RNF115: variants seen among roughly 807,000 people sequenced by gnomAD.
RNF115 encodes E3 ubiquitin-protein ligase RNF115.
A neutral mutation model predicts 39.2 loss-of-function variants in RNF115; 31 were observed. That is an observed-to-expected ratio of 0.79 (90% CI 0.59 to 1.07). The LOEUF (loss-of-function observed/expected upper bound fraction) is 1.07, where lower values mean the gene tolerates loss of function less well. Ranked by LOEUF, RNF115 falls within the 50% of genes least tolerant of loss-of-function variation. The probability of loss-of-function intolerance (pLI) is 0.00; values close to 1 mark genes in which losing one functional copy is unlikely to be tolerated. For synonymous variants in RNF115, 124 were observed against 131.0 expected, an observed-to-expected ratio of 0.95 and a Z score of 0.37; for missense variants, 384 against 381.7, an observed-to-expected ratio of 1.01 and a Z score of -0.05.
intron 6 of RNF115, among the ~76,000 whole-genome samples, 156 bp downstream of exon 6, chr1:145,751,282 A>C (rs1350618238): frequency 1.3e-5 from 2 of 152,238 alleles, no homozygotes; most frequent in African/African-American, 4.8e-5. Context: ...CTAACCCCAT[A>C]AATCATTCAT....
intron 1 of RNF115, among the ~76,000 whole-genome samples, chr1:145,796,651 T>C (rs1309012453): frequency 6.6e-6 from 1 of 152,102 alleles, no homozygotes; most frequent in Non-Finnish European, 1.5e-5. Context: ...CCTCCCAAAA[T>C]ACTAGGATTA....
At chr1:145,803,413 T>C (rs1649334093) in intron 1 of RNF115, among the ~76,000 whole-genome samples, 1 of 152,114 alleles carries the variant, frequency 6.6e-6, no homozygotes, top group Non-Finnish European at 1.5e-5. Flanking sequence ...ATTTTGAGAC[T>C]GAGTCTCACT....
intron 1 of RNF115, among the ~76,000 whole-genome samples, chr1:145,805,503 T>G (rs1388964628): frequency 6.6e-6 from 1 of 152,190 alleles, no homozygotes; most frequent in African/African-American, 2.4e-5. Context: ...CCAGCATTAT[T>G]GCTTTGTTTG....
chr1:145,805,449 CA>C (rs782498674), intron 1 of RNF115, among the ~76,000 whole-genome samples: 2,798 of 121,936 alleles, frequency 0.023, 64 homozygotes, highest in African/African-American at 0.071. Context: ...CCCAAGTCTT[CA>C]AAAAAAAAAA....
At chr1:145,774,043 G>A (rs1420871817) in intron 3 of RNF115, among the ~76,000 whole-genome samples, 1 of 152,096 alleles carries the variant, frequency 6.6e-6, no homozygotes, top group Non-Finnish European at 1.5e-5. Flanking sequence ...TTCTTCTGGC[G>A]AAGTATTTGC....
At chr1:145,776,793 G>A (rs1188644994) in intron 3 of RNF115, among the ~76,000 whole-genome samples, 9 of 152,068 alleles carry the variant, frequency 5.9e-5, no homozygotes, top group South Asian at 2.1e-4. Context: ...CTAAGATCGC[G>A]CCATTGCACT....
At chr1:145,755,677 T>C (rs1261361406) in intron 4 of RNF115, among the ~76,000 whole-genome samples, 1 of 151,780 alleles carries the variant, frequency 6.6e-6, no homozygotes, top group Non-Finnish European at 1.5e-5. Flanking sequence ...AACCCAGCAG[T>C]GGGGCAGAAG....
chr1:145,749,737 CT>C (rs1381071583), intron 7 of RNF115, among the ~76,000 whole-genome samples: 1 of 152,124 alleles, frequency 6.6e-6, no homozygotes, highest in Non-Finnish European at 1.5e-5. Context: ...CACACTGCCC[CT>C]AGACTAATCT....
chr1:145,755,909 C>A (rs897457672), intron 4 of RNF115, among the ~76,000 whole-genome samples: 1 of 152,174 alleles, frequency 6.6e-6, no homozygotes, highest in Admixed American at 6.5e-5. Flanking sequence ...GGTTGATAAT[C>A]TAGCTAAAGT....
intron 3 of RNF115, among the ~76,000 whole-genome samples, chr1:145,779,039 A>C (rs781990373): frequency 2.6e-4 from 39 of 152,268 alleles, no homozygotes; most frequent in Middle Eastern, 3.4e-3. Context: ...CTGGTGTTCT[A>C]TGTTTTCTCA....
intron 3 of RNF115, among the ~76,000 whole-genome samples, chr1:145,778,398 A>C (rs782133438): frequency 6.6e-6 from 1 of 152,154 alleles, no homozygotes; most frequent in African/African-American, 2.4e-5. Context: ...AAAAGTTCTA[A>C]ATCAGTGGTA....
intron 1 of RNF115, among the ~76,000 whole-genome samples, chr1:145,796,900 G>A (rs782073944): frequency 3.3e-5 from 5 of 151,978 alleles, no homozygotes; most frequent in Non-Finnish European, 7.4e-5. Flanking sequence ...CAACCTAACT[G>A]TCCCATAGAA....
chr1:145,770,152 G>C (rs1553715537), intron 4 of RNF115, among the ~76,000 whole-genome samples: 2 of 152,120 alleles, frequency 1.3e-5, no homozygotes, highest in Non-Finnish European at 2.9e-5. Flanking sequence ...CATTTTGATA[G>C]GACTGCAAAG....
chr1:145,773,507 C>T (rs1647737538), intron 3 of RNF115: 1 of 151,998 alleles, frequency 6.6e-6, no homozygotes, highest in Non-Finnish European at 1.5e-5. Context: ...AAATGCTCGC[C>T]AGGTCTCTAC....
At position 145,740,228 on chromosome 1, in the gene RNF115, A is replaced by G. The variant is rs1657649316; in HGVS notation, c.*6638T>C. ...CTCAGAAGATATATCCAACTATAGGAAAAGTTTCAGCCATTGTACTATACT... is the reference window on the plus strand; with the variant it reads ...CTCAGAAGATATATCCAACTATAGGGAAAGTTTCAGCCATTGTACTATACT... On this transcript the variant is annotated 3_prime_UTR_variant, in exon 9 of 9. Coordinates refer to ENST00000582693, the MANE Select transcript of RNF115 (RefSeq NM_014455.4). The G allele has an allele frequency of 6.6e-6, 1 of 152,250 alleles. No individual in the cohort carries two copies. Among genetic ancestry groups the G allele is most frequent in the Admixed American group, 6.5e-5 (1 of 15,280 alleles). The allele number at this position is 152,250 out of a possible 1,614,324, so 9.4% of individuals were successfully genotyped here. A position where few individuals can be genotyped will look rare whatever the true frequency, so the allele number is the denominator to read the frequency against.
chr1:145,775,164 T>G (rs1647824461), intron 3 of RNF115, among the ~76,000 whole-genome samples: 1 of 152,172 alleles, frequency 6.6e-6, no homozygotes, highest in African/African-American at 2.4e-5. Flanking sequence ...GGAGGATCAC[T>G]TGAACCCAGG....
chr1:145,784,570 A>G lies in RNF115; in HGVS notation c.188T>C (p.Ile63Thr), dbSNP rs200677426. The G allele has an allele frequency of 7.6e-5, 122 of 1,613,922 alleles. 1 individual carries two copies. Among genetic ancestry groups the G allele is most frequent in the Middle Eastern group, 3.3e-4 (2 of 6,084 alleles). The change falls in exon 3 of 9, where the codon ATA becomes ACA. Residue 63 changes from isoleucine (I) to threonine (T), a missense_variant. Coordinates refer to ENST00000582693, the MANE Select transcript of RNF115 (RefSeq NM_014455.4). ...AAAATGTGTTGTTGTGGTATTGTCT[A>G]TCCGACTGCCGCCACCACCTAAAAA... ...SSFLGGGGSR[I>T]DNTTTTHFAE...
chr1:145,764,930 G>C (rs1456224067), intron 4 of RNF115, among the ~76,000 whole-genome samples: 2 of 152,240 alleles, frequency 1.3e-5, no homozygotes, highest in African/African-American at 4.8e-5. Flanking sequence ...GTACCCAACA[G>C]CTCATTGAGA....
intron 1 of RNF115, among the ~76,000 whole-genome samples, chr1:145,810,791 T>C (rs587599381): frequency 2.2e-4 from 31 of 143,712 alleles, no homozygotes; most frequent in Non-Finnish European, 3.9e-4. Flanking sequence ...TTTTAAAATC[T>C]GTATAATTAC....
Sources: gnomAD v4.1 joint callset for allele counts (sites outside exome capture counted in the v4.1 genomes callset) on GRCh38, gnomAD v4.1.1 for gene constraint, MANE v1.5 for transcripts, NCBI Gene and HGNC (gene_info 2026-07-23, HGNC 2026-07-21) for gene names.